The following BPIFC variants were observed in gnomAD, a reference collection of about 807,000 sequenced individuals.
BPIFC encodes BPI fold containing family C.
BPIFC carries 60 observed loss-of-function variants against 57.6 expected under a neutral mutation model. That is an observed-to-expected ratio of 1.04 (90% CI 0.85 to 1.29). BPIFC has a LOEUF of 1.29. BPIFC is among the 50% of genes most tolerant of loss of function. BPIFC has a pLI of 0.00. For synonymous variants in BPIFC, 243 were observed against 224.5 expected (o/e 1.08, Z -0.74); for missense variants, 581 against 600.5 (o/e 0.97, Z 0.34).
At chr22:32,449,076 C>T (rs1274492074) in intron 4 of BPIFC, among the ~76,000 whole-genome samples, 1 of 152,136 alleles carries the variant, frequency 6.6e-6, no homozygotes, top group African/African-American at 2.4e-5. Flanking sequence ...TTGCAATCCC[C>T]ATTTCAAAGA....
intron 5 of BPIFC, 88 bp downstream of exon 5, chr22:32,447,124 T>A (rs1406234689): frequency 7.1e-7 from 1 of 1,416,226 alleles, no homozygotes; most frequent in African/African-American, 1.4e-5. Context: ...AAGAAGCCTA[T>A]TGCCAAAAAC....
At chr22:32,456,465 C>T (rs1935041345) in intron 3 of BPIFC, among the ~76,000 whole-genome samples, 1 of 138,564 alleles carries the variant, frequency 7.2e-6, no homozygotes, top group Non-Finnish European at 1.6e-5. Context: ...CCTCCCTTCC[C>T]TCATTTATTT....
At chr22:32,418,458 A>C (rs933807730) in intron 14 of BPIFC, among the ~76,000 whole-genome samples, 2 of 152,114 alleles carry the variant, frequency 1.3e-5, no homozygotes, top group African/African-American at 4.8e-5. Context: ...GTGTAGCAGC[A>C]TCCCTGGCCT....
At chr22:32,456,600 A>T (rs540240161) in intron 3 of BPIFC, among the ~76,000 whole-genome samples, 2 of 152,318 alleles carry the variant, frequency 1.3e-5, no homozygotes, top group East Asian at 3.9e-4. Context: ...AAGCTCCATC[A>T]TCAACCTACC....
chr22:32,416,471 A>G (rs59996791), intron 15 of BPIFC, among the ~76,000 whole-genome samples: 9,406 of 152,268 alleles, frequency 0.062, 376 homozygotes, highest in Admixed American at 0.11. Context: ...TTCCTGGAAG[A>G]ATTGCTCATT....
chr22:32,462,917 G>A (rs1935195600), intron 1 of BPIFC, among the ~76,000 whole-genome samples: 1 of 152,068 alleles, frequency 6.6e-6, no homozygotes, highest in South Asian at 2.1e-4. Flanking sequence ...TTTCAAGGTG[G>A]AAAAATTCAA....
At chr22:32,436,858 G>A (rs868037568) in intron 9 of BPIFC, among the ~76,000 whole-genome samples, 8 of 152,268 alleles carry the variant, frequency 5.3e-5, no homozygotes, top group Middle Eastern at 3.4e-3. Context: ...GCTATAGGGC[G>A]TTATTACAAA....
At chr22:32,429,458 A>C (rs1167983346) in intron 13 of BPIFC, among the ~76,000 whole-genome samples, 1 of 145,720 alleles carries the variant, frequency 6.9e-6, no homozygotes, top group East Asian at 2.1e-4. Flanking sequence ...CGCTCGCCTC[A>C]GCCTCCCAAA....
At chr22:32,442,821 CT>C (rs1934602538) in intron 7 of BPIFC, 90 bp from the exon 8 acceptor site, 1 of 1,237,632 alleles carries the variant, frequency 8.1e-7, no homozygotes, top group African/African-American at 1.5e-5. Flanking sequence ...AAACAAAGGC[CT>C]TCTGGTTAGC....
chr22:32,436,172 T>C (rs560570109), intron 9 of BPIFC, among the ~76,000 whole-genome samples: 10 of 152,214 alleles, frequency 6.6e-5, no homozygotes, highest in Admixed American at 6.5e-4. Context: ...CGCGTACCTG[T>C]AGTTCCGGCT....
At chr22:32,429,778 G>A (rs1157373950) in intron 13 of BPIFC, among the ~76,000 whole-genome samples, 3 of 152,002 alleles carry the variant, frequency 2.0e-5, no homozygotes, top group Non-Finnish European at 4.4e-5. Context: ...TCCTCCCAAA[G>A]TGCTGGGATT....
intron 13 of BPIFC, among the ~76,000 whole-genome samples, chr22:32,422,702 C>T (rs187965248): frequency 6.6e-6 from 1 of 150,742 alleles, no homozygotes; most frequent in African/African-American, 2.4e-5. Context: ...AGCAAGACTA[C>T]GTTTTGAAAA....
At chr22:32,457,600 T>C (rs1935071642) in intron 2 of BPIFC, among the ~76,000 whole-genome samples, 1 of 136,492 alleles carries the variant, frequency 7.3e-6, no homozygotes. Context: ...CATCCATCCA[T>C]GCGCTCTCCC....
chr22:32,414,529 T>C (rs1933614593), intron 16 of BPIFC, 104 bp from the exon 17 acceptor site: 1 of 1,391,882 alleles, frequency 7.2e-7, no homozygotes, highest in Non-Finnish European at 9.6e-7. Flanking sequence ...ATTTTAATTT[T>C]GAGATGGAGT....
At chr22:32,430,063 C>T (rs1027705158) in intron 13 of BPIFC, among the ~76,000 whole-genome samples, 11 of 152,274 alleles carry the variant, frequency 7.2e-5, no homozygotes, top group African/African-American at 1.9e-4. Context: ...ACGGTTCTGC[C>T]GAATGGCACT....
intron 4 of BPIFC, among the ~76,000 whole-genome samples, chr22:32,450,045 C>T (rs2145957512): frequency 1.3e-5 from 2 of 150,742 alleles, no homozygotes; most frequent in South Asian, 4.2e-4. Context: ...TGTACATGTA[C>T]TTCTCTAAGG....
chr22:32,442,844 C>A lies in BPIFC; in HGVS notation c.595-113G>T, dbSNP rs1176902515. 7 of 970,190 alleles carry A rather than the reference C, an allele frequency of 7.2e-6. No individual in the cohort carries two copies. The Admixed American group carries it at 1.2e-4, about 16-fold the overall frequency. The allele number at this position is 970,190 out of a possible 1,614,324, so 60.1% of individuals were successfully genotyped here. A position where few individuals can be genotyped will look rare whatever the true frequency, so the allele number is the denominator to read the frequency against. On this transcript the variant is annotated intron_variant, in intron 7 of 16. Transcript: ENST00000300399. Reference sequence around the variant, plus strand: ...GCCTTCTGGTTAGCAGTCATTATCCCTTTGGTCATCGAGACATTCTCTTAA... The same window carrying A: ...GCCTTCTGGTTAGCAGTCATTATCCATTTGGTCATCGAGACATTCTCTTAA...
chr22:32,414,549 T>A, intron 16 of BPIFC, 124 bp from the exon 17 acceptor site: 1 of 1,226,496 alleles, frequency 8.2e-7, no homozygotes, highest in East Asian at 2.8e-5. Context: ...TCTCAAAGGC[T>A]GTCGCCCAGG....
intron 10 of BPIFC, 116 bp downstream of exon 10, chr22:32,435,588 G>T: frequency 9.7e-7 from 1 of 1,030,400 alleles, no homozygotes; most frequent in South Asian, 1.7e-5. Context: ...CTTGCTGGGA[G>T]TGATAGCCTA....
Sources: gnomAD v4.1 joint callset for allele counts (sites outside exome capture counted in the v4.1 genomes callset) on GRCh38, gnomAD v4.1.1 for gene constraint, MANE v1.5 for transcripts, NCBI Gene and HGNC (gene_info 2026-07-23, HGNC 2026-07-21) for gene names.